The following STK31 variants were observed in gnomAD, a reference collection of about 807,000 sequenced individuals.
STK31 encodes serine/threonine-protein kinase 31.
STK31 carries 89 observed loss-of-function variants against 129.7 expected under a neutral mutation model. The ratio of observed to expected loss-of-function variants is 0.69; its 90% confidence interval spans 0.58 to 0.82. The LOEUF (loss-of-function observed/expected upper bound fraction) is 0.82. Ranked by LOEUF, STK31 falls within the 40% of genes least tolerant of loss-of-function variation. STK31 has a pLI of 0.00. For synonymous variants in STK31, 448 were observed against 395.3 expected, an observed-to-expected ratio of 1.13 and a Z score of -1.58; for missense variants, 1,187 against 1,176.4, an observed-to-expected ratio of 1.01 and a Z score of -0.13.
At chr7:23,783,507 A>G (rs945403606) in intron 16 of STK31, 76 bp from the exon 17 acceptor site, 14 of 1,054,588 alleles carry the variant, frequency 1.3e-5, no homozygotes, top group South Asian at 4.4e-5. Context: ...ATGCTGATAT[A>G]TTTTCCTGAA....
chr7:23,732,456 T>A (rs1787490558), intron 6 of STK31, among the ~76,000 whole-genome samples: 1 of 152,192 alleles, frequency 6.6e-6, no homozygotes, highest in Non-Finnish European at 1.5e-5. Context: ...AACACCCATG[T>A]ATCATATACT....
In STK31 at chr7:23,712,302, G is replaced by T. The variant is rs747400282; in HGVS notation, c.150+16G>T. On this transcript the variant is annotated intron_variant, in intron 3 of 23. Coordinates refer to ENST00000355870, the MANE Select transcript of STK31 (RefSeq NM_031414.5). ...TTGGGCCCAGGTAAATAGCAAACTG[G>T]TTGATATCCCCCCTCACCTCCCCCA... 2 of 1,613,578 alleles carry T rather than the reference G, an allele frequency of 1.2e-6. No individual in the cohort carries two copies. Among genetic ancestry groups the T allele is most frequent in the African/African-American group, 2.7e-5 (2 of 74,880 alleles).
chr7:23,771,207 TACTC>T (rs893175765), intron 14 of STK31, 83 bp downstream of exon 14: 4 of 1,291,358 alleles, frequency 3.1e-6, no homozygotes, highest in Non-Finnish European at 4.1e-6. Context: ...TGTTGTTTAA[TACTC>T]AGTGTCAGTA....
chr7:23,787,154 G>C (rs1226059804), intron 20 of STK31, among the ~76,000 whole-genome samples: 1 of 152,134 alleles, frequency 6.6e-6, no homozygotes, highest in African/African-American at 2.4e-5. Context: ...AGGTAGAGCT[G>C]GGACTCGAAA....
chr7:23,715,657 A>G (rs1786271855), intron 3 of STK31, among the ~76,000 whole-genome samples: 1 of 152,110 alleles, frequency 6.6e-6, no homozygotes, highest in African/African-American at 2.4e-5. Context: ...GAATATTTTG[A>G]TTCCAGGGGT....
intron 22 of STK31, among the ~76,000 whole-genome samples, chr7:23,798,923 A>G (rs913724091): frequency 1.3e-5 from 2 of 152,224 alleles, no homozygotes; most frequent in Admixed American, 6.5e-5. Flanking sequence ...TCAGTGTGCA[A>G]AACTCACAAA....
At chr7:23,764,446 T>A (rs999640652) in intron 11 of STK31, among the ~76,000 whole-genome samples, 36 of 152,352 alleles carry the variant, frequency 2.4e-4, no homozygotes, top group Admixed American at 1.9e-3. Context: ...ATTTTTCAAG[T>A]ATCCAAGAAA....
At chr7:23,739,657 G>A (rs1186795716) in intron 8 of STK31, among the ~76,000 whole-genome samples, 3 of 152,174 alleles carry the variant, frequency 2.0e-5, no homozygotes, top group African/African-American at 7.2e-5. Context: ...TGTATAAGGT[G>A]TAAGGAAGGG....
intron 15 of STK31, among the ~76,000 whole-genome samples, chr7:23,780,137 C>G (rs903248810): frequency 3.0e-4 from 46 of 152,252 alleles, no homozygotes; most frequent in African/African-American, 1.0e-3. Flanking sequence ...ACTCCCCACC[C>G]TGCTTTTGCT....
chr7:23,730,878 A>ATATATATATATATATATTT, intron 6 of STK31, among the ~76,000 whole-genome samples: 16 of 59,530 alleles, frequency 2.7e-4, no homozygotes, highest in South Asian at 2.4e-3. Context: ...ATATATATAT[A>ATATATATATATATATATTT]TTTTTTTTTT....
intron 1 of STK31, 33 bp from the exon 2 acceptor site, chr7:23,712,066 A>T: frequency 1.3e-6 from 2 of 1,532,978 alleles, no homozygotes; most frequent in Non-Finnish European, 9.0e-7. Context: ...TTAATGGTGG[A>T]TTATTGTAAT....
chr7:23,776,726 T>C (rs2128106444), intron 15 of STK31, among the ~76,000 whole-genome samples: 1 of 152,324 alleles, frequency 6.6e-6, no homozygotes, highest in South Asian at 2.1e-4. Flanking sequence ...TTTATTAGTC[T>C]GGCTAGTGGT....
chr7:23,758,720 A>G (rs1789266729), intron 10 of STK31, among the ~76,000 whole-genome samples: 1 of 152,102 alleles, frequency 6.6e-6, no homozygotes, highest in Non-Finnish European at 1.5e-5. Flanking sequence ...CCTTAATTTC[A>G]TTATTTACCC....
intron 23 of STK31, among the ~76,000 whole-genome samples, chr7:23,828,490 G>A (rs1401030790): frequency 6.6e-6 from 1 of 152,224 alleles, no homozygotes; most frequent in Non-Finnish European, 1.5e-5. Flanking sequence ...GGTGCCATCT[G>A]TCGCCCCTTT....
intron 15 of STK31, among the ~76,000 whole-genome samples, chr7:23,775,656 T>C (rs1184112571): frequency 6.6e-6 from 1 of 152,218 alleles, no homozygotes; most frequent in African/African-American, 2.4e-5. Context: ...ATAGGAATGC[T>C]TGTGATTTTT....
At chr7:23,779,542 A>G (rs1790777615) in intron 15 of STK31, among the ~76,000 whole-genome samples, 1 of 152,140 alleles carries the variant, frequency 6.6e-6, no homozygotes, top group Admixed American at 6.6e-5. Flanking sequence ...CCTGCCCAGA[A>G]AGGAATCTAG....
chr7:23,830,650 CACTCT>C (rs1794492621), intron 23 of STK31, among the ~76,000 whole-genome samples: 1 of 145,998 alleles, frequency 6.8e-6, no homozygotes, highest in Non-Finnish European at 1.5e-5. Context: ...CTGGGGGTCT[CACTCT>C]GTTGCCCAGG....
At chr7:23,817,570 C>T (rs1276070696) in intron 23 of STK31, among the ~76,000 whole-genome samples, 4 of 152,158 alleles carry the variant, frequency 2.6e-5, no homozygotes, top group African/African-American at 9.7e-5. Flanking sequence ...AGATACCATA[C>T]CACAAATGGA....
At chr7:23,785,974 C>T (rs1251761384) in intron 18 of STK31, among the ~76,000 whole-genome samples, 1 of 151,780 alleles carries the variant, frequency 6.6e-6, no homozygotes, top group African/African-American at 2.4e-5. Context: ...GCACATGTAC[C>T]CTAGAACTTA....
Sources: gnomAD v4.1 joint callset for allele counts (sites outside exome capture counted in the v4.1 genomes callset) on GRCh38, gnomAD v4.1.1 for gene constraint, MANE v1.5 for transcripts, NCBI Gene and HGNC (gene_info 2026-07-23, HGNC 2026-07-21) for gene names.